RALGPS1: variants seen among roughly 807,000 people sequenced by gnomAD.
The protein encoded by RALGPS1 is ras-specific guanine nucleotide-releasing factor RalGPS1.
Under a neutral mutation model 78.8 loss-of-function variants are expected in RALGPS1, and 19 were observed. The ratio of observed to expected loss-of-function variants is 0.24; its 90% CI spans 0.17 to 0.35. The LOEUF is 0.35. RALGPS1 is among the 10% of genes least tolerant of loss of function. RALGPS1 has a pLI of 1.00. For synonymous variants in RALGPS1, 228 were observed against 256.3 expected, an observed-to-expected ratio of 0.89 and a Z score of 1.06; for missense variants, 454 against 688.3, an observed-to-expected ratio of 0.66 and a Z score of 3.81.
intron 8 of RALGPS1, among the ~76,000 whole-genome samples, chr9:127,097,766 G>C (rs764851364): frequency 2.6e-5 from 4 of 152,230 alleles, no homozygotes; most frequent in East Asian, 3.8e-4. Flanking sequence ...GTCTGGCCTC[G>C]ATGGAGGAAG....
intron 10 of RALGPS1, among the ~76,000 whole-genome samples, chr9:127,169,952 G>T (rs921598863): frequency 6.6e-6 from 1 of 152,118 alleles, no homozygotes; most frequent in African/African-American, 2.4e-5. Flanking sequence ...ACTTATGATG[G>T]GTTTATTGGG....
chr9:127,008,816 A>T (rs2044091995), intron 4 of RALGPS1, among the ~76,000 whole-genome samples: 1 of 152,212 alleles, frequency 6.6e-6, no homozygotes. Context: ...ATGTATAATG[A>T]ATTTAGATCC....
chr9:127,195,867 A>G (rs1409773389), intron 12 of RALGPS1, among the ~76,000 whole-genome samples: 1 of 140,446 alleles, frequency 7.1e-6, no homozygotes, highest in Non-Finnish European at 1.5e-5. Flanking sequence ...CTTCCAAGGC[A>G]CAAGCTCAGC....
chr9:126,964,372 A>C (rs905402353), intron 2 of RALGPS1, among the ~76,000 whole-genome samples: 32 of 150,982 alleles, frequency 2.1e-4, no homozygotes, highest in Non-Finnish European at 2.7e-4. Flanking sequence ...CCCACTCAAA[A>C]AAAAAAAAAA....
intron 8 of RALGPS1, among the ~76,000 whole-genome samples, chr9:127,071,853 A>C (rs1449097418): frequency 6.6e-6 from 1 of 152,208 alleles, no homozygotes; most frequent in Non-Finnish European, 1.5e-5. Context: ...TAAAGTGTAC[A>C]ATTCACTGGT....
At chr9:127,077,140 CAAG>C (rs1296762761) in intron 8 of RALGPS1, among the ~76,000 whole-genome samples, 1 of 152,144 alleles carries the variant, frequency 6.6e-6, no homozygotes, top group African/African-American at 2.4e-5. Flanking sequence ...GGGTTTTAAG[CAAG>C]GGCATGCTGG....
At chr9:126,994,327 G>A (rs2042540159) in intron 4 of RALGPS1, among the ~76,000 whole-genome samples, 1 of 152,164 alleles carries the variant, frequency 6.6e-6, no homozygotes, top group Non-Finnish European at 1.5e-5. Flanking sequence ...ATGCAGAGAA[G>A]TCCTTAAAGG....
rs181171881 is a variant in RALGPS1, at chr9:126,973,589, T to C, written c.166-4106T>C. Among the ~76,000 whole-genome samples the C allele has an allele frequency of 1.3e-3, 204 of 152,310 alleles. 1 individual carries two copies. The highest frequency in any genetic ancestry group is 2.1e-3 in the Non-Finnish European group (144 of 68,020). ...ACTTCTGGGGTGGCTCTTTTATTCG[T>C]TTTGATTGTGCCAAAATATACGTAA... On this transcript the variant is annotated intron_variant, in intron 3 of 18. Coordinates refer to ENST00000259351, the MANE Select transcript of RALGPS1 (RefSeq NM_014636.3).
intron 7 of RALGPS1, among the ~76,000 whole-genome samples, chr9:127,067,914 A>G (rs2049859220): frequency 6.6e-6 from 1 of 152,204 alleles, no homozygotes; most frequent in East Asian, 1.9e-4. Flanking sequence ...TTAGTCAGCC[A>G]TGTTGCCATT....
chr9:127,010,588 C>G (rs990621465), intron 4 of RALGPS1, among the ~76,000 whole-genome samples: 1 of 152,166 alleles, frequency 6.6e-6, no homozygotes, highest in African/African-American at 2.4e-5. Context: ...CCTCTTGGGG[C>G]CCTTCTGGCT....
chr9:127,190,681 A>G (rs1032698363), intron 11 of RALGPS1, among the ~76,000 whole-genome samples: 1 of 152,134 alleles, frequency 6.6e-6, no homozygotes, highest in East Asian at 1.9e-4. Context: ...CTTTTTTGCA[A>G]TGACGCACAA....
At chr9:126,916,308 G>A (rs1447275673) in intron 1 of RALGPS1, among the ~76,000 whole-genome samples, 1 of 152,154 alleles carries the variant, frequency 6.6e-6, no homozygotes. Context: ...TTCTCTCTGC[G>A]AGGCCTCTGA....
Position 127,195,053 on chromosome 9 carries a change from C to A in RALGPS1, c.911-38C>A, listed in dbSNP as rs774888449. The A allele has an allele frequency of 3.1e-6, 5 of 1,608,020 alleles. No homozygotes were observed. In the South Asian group the frequency reaches 5.5e-5, roughly 18 times the overall value. ...CCTGTGCAGCCCCTCACCCTCCCAT[C>A]ATAACCCCCGTTGTTGCTCTCTCTG... is the stretch of plus-strand genomic sequence containing the variant. On this transcript the variant is annotated intron_variant, in intron 11 of 18. Transcript: ENST00000259351.
intron 1 of RALGPS1, among the ~76,000 whole-genome samples, chr9:126,952,102 C>G (rs2037881011): frequency 6.6e-6 from 1 of 152,208 alleles, no homozygotes; most frequent in African/African-American, 2.4e-5. Flanking sequence ...AGGAATCCAA[C>G]TTACAAGGGA....
chr9:127,057,650 T>C (rs1158674957), intron 7 of RALGPS1, among the ~76,000 whole-genome samples: 1 of 152,198 alleles, frequency 6.6e-6, no homozygotes, highest in Non-Finnish European at 1.5e-5. Flanking sequence ...GAATATTGGC[T>C]CCCTTAAAGC....
intron 8 of RALGPS1, among the ~76,000 whole-genome samples, chr9:127,085,616 T>C (rs966116539): frequency 1.3e-5 from 2 of 152,156 alleles, no homozygotes; most frequent in African/African-American, 4.8e-5. Context: ...TAAGATTCAG[T>C]CTTGGGTATT....
At chr9:127,195,269 G>C in intron 12 of RALGPS1, 52 bp downstream of exon 12, 1 of 1,593,636 alleles carries the variant, frequency 6.3e-7, no homozygotes, top group Non-Finnish European at 8.5e-7. Flanking sequence ...CCTGCACATG[G>C]GCCTGGGCAC....
intron 18 of RALGPS1, chr9:127,217,490 C>A: frequency 2.1e-6 from 2 of 955,034 alleles, no homozygotes; most frequent in Non-Finnish European, 2.5e-6. Flanking sequence ...TTCTGTGGAA[C>A]TGCATGTCCT....
chr9:126,982,917 TTCTTC>T (rs2041420143), intron 4 of RALGPS1, among the ~76,000 whole-genome samples: 1 of 89,614 alleles, frequency 1.1e-5, no homozygotes, highest in African/African-American at 3.2e-5. Flanking sequence ...CTTCTTCTTC[TTCTTC>T]TTCTTCTTTT....
Sources: allele counts gnomAD v4.1 joint callset (sites outside exome capture counted in the v4.1 genomes callset), GRCh38; gene constraint gnomAD v4.1.1; transcripts MANE v1.5; gene names NCBI Gene and HGNC (gene_info 2026-07-23, HGNC 2026-07-21).